PDE6B: variants seen among roughly 807,000 people sequenced by gnomAD.
PDE6B encodes rod cGMP-specific 3',5'-cyclic phosphodiesterase subunit beta.
In PDE6B, 106 loss-of-function variants were observed where a neutral mutation model predicts 109.0. That is an observed-to-expected ratio of 0.97 (90% confidence interval 0.83 to 1.14). The LOEUF (loss-of-function observed/expected upper bound fraction) is 1.14, where lower values mean the gene tolerates loss of function less well. Among genes scored for constraint, PDE6B ranks in the 50% most tolerant of loss-of-function variants. The pLI is 0.00. For missense variants in PDE6B, 1,193 were observed against 1,155.6 expected (o/e 1.03, Z -0.47); for synonymous variants, 490 against 471.3 (o/e 1.04, Z -0.51).
At position 648,562 on chromosome 4, in the gene PDE6B, A is replaced by G. The variant is rs924397945; in HGVS notation, c.712-5290A>G. On this transcript the variant is annotated intron_variant, in intron 3 of 21. Transcript: ENST00000496514. The surrounding 1 kb of genome is among the most constrained non-coding windows in gnomAD (Gnocchi z 4.5). ...CCGGGCCCTCACCTGGACAATCAGG[A>G]ACTACCTTCTGTCCCAGGCACCCTC... is the stretch of plus-strand genomic sequence containing the variant. 5.3e-5 allele frequency among the ~76,000 whole-genome samples: 8 copies of G among 152,118 alleles called. No homozygotes were observed. Among genetic ancestry groups the G allele is most frequent in the African/African-American group, 1.9e-4 (8 of 41,436 alleles).
chr4:664,269 CG>C, intron 17 of PDE6B, 48 bp downstream of exon 17: 1 of 1,025,484 alleles, frequency 9.8e-7, no homozygotes, highest in African/African-American at 1.6e-5. Context: ...TCGCAGGGAC[CG>C]GGCCCACTCA....
chr4:662,251 T>A lies in PDE6B; in HGVS notation c.1722+10T>A. 1 of 1,481,052 alleles carries A rather than the reference T, an allele frequency of 6.8e-7. No homozygotes were observed. Among genetic ancestry groups the A allele is most frequent in the Admixed American group, 1.9e-5 (1 of 51,636 alleles). The allele number at this position is 1,481,052 out of a possible 1,614,324, so 91.7% of individuals were successfully genotyped here. A position where few individuals can be genotyped will look rare whatever the true frequency, so the allele number is the denominator to read the frequency against. On this transcript the variant is annotated intron_variant, in intron 13 of 21. Coordinates refer to ENST00000496514, the MANE Select transcript of PDE6B (RefSeq NM_000283.4). The surrounding 1 kb of genome is among the most constrained non-coding windows in gnomAD (Gnocchi z 4.3). ...GTTCACGCTGCTCATGGTACGTGGC[T>A]GCCAGAATCACCAGGGTTGTGCAGG... is the stretch of plus-strand genomic sequence containing the variant.
In PDE6B at chr4:669,919, T is replaced by G. The variant is rs187038471; in HGVS notation, c.2504-127T>G. ...CTCAGCCCAGCTAATCGGCTTGGGC[T>G]GGTCACAGACCCAGGTGCTGTCCTT... On this transcript the variant is annotated intron_variant, in intron 21 of 21. Transcript: ENST00000496514. The G allele has an allele frequency of 1.6e-3, 1,306 of 795,608 alleles. 31 individuals carry two copies. In the Admixed American group the frequency reaches 0.021, roughly 13 times the overall value. The allele number at this position is 795,608 out of a possible 1,614,324, so 49.3% of individuals were successfully genotyped here.
intron 12 of PDE6B, chr4:661,744 C>G: frequency 3.1e-6 from 1 of 317,678 alleles, no homozygotes; most frequent in Non-Finnish European, 6.2e-6. Flanking sequence ...ATCGGTTCTC[C>G]CACCCCAGCC....
intron 1 of PDE6B, among the ~76,000 whole-genome samples, chr4:632,613 C>T (rs551932883): frequency 2.2e-5 from 3 of 135,178 alleles, no homozygotes; most frequent in East Asian, 2.3e-4. Context: ...TGTGTGGATC[C>T]GTGTGGCACC....
intron 2 of PDE6B, among the ~76,000 whole-genome samples, chr4:635,272 C>T (rs1363708714): frequency 1.5e-4 from 20 of 131,972 alleles, no homozygotes; most frequent in Admixed American, 4.7e-4. Context: ...TTCTGTGCTG[C>T]GCGTCTGCCT....
chr4:665,205 T>G lies in PDE6B; in HGVS notation c.2194-50T>G. 2 of 1,417,104 alleles carry G rather than the reference T, an allele frequency of 1.4e-6. No individual in the cohort carries two copies. The highest frequency in any genetic ancestry group is 2.0e-6 in the Non-Finnish European group (2 of 1,007,256). The allele number at this position is 1,417,104 out of a possible 1,614,324, so 87.8% of individuals were successfully genotyped here. A position where few individuals can be genotyped will look rare whatever the true frequency, so the allele number is the denominator to read the frequency against. On this transcript the variant is annotated intron_variant, in intron 18 of 21. Transcript: ENST00000496514. The surrounding 1 kb of genome is among the most constrained non-coding windows in gnomAD (Gnocchi z 4.0). ...AGCCTCACGGGGCGGGCCCGGGCCC[T>G]TCCGCGTGGGCTCAGAGCTCCACAG...
chr4:649,524 G>A (rs764300022), intron 3 of PDE6B, among the ~76,000 whole-genome samples: 3 of 152,130 alleles, frequency 2.0e-5, no homozygotes, highest in East Asian at 3.9e-4. Flanking sequence ...AAGTGAAGGA[G>A]CGCCATTCTT....
Position 626,769 on chromosome 4 carries a change from C to A in PDE6B, c.468+675C>A, listed in dbSNP as rs1417214069. On this transcript the variant is annotated intron_variant, in intron 1 of 21. Coordinates refer to ENST00000496514, the MANE Select transcript of PDE6B (RefSeq NM_000283.4). The surrounding 1 kb of genome is among the most constrained non-coding windows in gnomAD (Gnocchi z 4.6). Reference sequence around the variant, plus strand: ...AAGGGCAGGGCCTGTTCATGCAAAGCCTGGGCTAGGGCAGACGCTTCCCGA... The same window carrying A: ...AAGGGCAGGGCCTGTTCATGCAAAGACTGGGCTAGGGCAGACGCTTCCCGA... Among the ~76,000 whole-genome samples the A allele has an allele frequency of 6.6e-6, 1 of 152,186 alleles. No individual in the cohort carries two copies. Among genetic ancestry groups the A allele is most frequent in the Non-Finnish European group, 1.5e-5 (1 of 68,014 alleles).
intron 1 of PDE6B, among the ~76,000 whole-genome samples, chr4:629,264 C>T (rs1217451553): frequency 5.3e-5 from 8 of 152,174 alleles, no homozygotes; most frequent in Admixed American, 3.3e-4. Context: ...ACGCCGCCCA[C>T]ACCTGATGAG....
intron 6 of PDE6B, 127 bp downstream of exon 6, chr4:655,015 C>A (rs1469652083): frequency 5.4e-6 from 4 of 740,966 alleles, no homozygotes. Context: ...CTGGCCTGGC[C>A]CCACCTGTGG....
chr4:642,843 A>G (rs1331641197), intron 3 of PDE6B, among the ~76,000 whole-genome samples: 1 of 151,764 alleles, frequency 6.6e-6, no homozygotes, highest in African/African-American at 2.4e-5. Context: ...TTTTATTCAG[A>G]ATGAGTGTTG....
chr4:632,724 G>A (rs1170229517), intron 1 of PDE6B, among the ~76,000 whole-genome samples: 2 of 151,324 alleles, frequency 1.3e-5, no homozygotes, highest in African/African-American at 4.9e-5. Context: ...GGTCCGTGTG[G>A]CACCATCTCT....
Position 625,983 on chromosome 4 carries a change from G to T in PDE6B, c.357G>T (p.Leu119=). 1 of 1,584,114 alleles carries T rather than the reference G, an allele frequency of 6.3e-7. No individual in the cohort carries two copies. Residue 119 remains leucine, a synonymous_variant, in exon 1 of 22, where the codon CTG becomes CTT. Transcript: ENST00000496514. The surrounding 1 kb of genome is among the most constrained non-coding windows in gnomAD (Gnocchi z 5.0). ...TCAGCGTGCAGCCGGACAGCGTCCT[G>T]GAGGACTGCCTGGTGCCCCCCGACT... ...RLFSVQPDSV[L]EDCLVPPDSE... is the part of the protein sequence containing the mutation.
In PDE6B at chr4:665,805, C is replaced by T. The variant is rs1008057987; in HGVS notation, c.2268+476C>T. Among the ~76,000 whole-genome samples the T allele has an allele frequency of 5.9e-5, 9 of 152,122 alleles. No individual in the cohort carries two copies. The highest frequency in any genetic ancestry group is 4.6e-4 in the Admixed American group (7 of 15,276). On this transcript the variant is annotated intron_variant, in intron 19 of 21. Coordinates refer to ENST00000496514, the MANE Select transcript of PDE6B (RefSeq NM_000283.4). This position sits in a 1 kb window ranked among gnomAD's most constrained non-coding sequence, Gnocchi z 4.0. ...CAGCAAATGGGAGAGTCAGGATAGG[C>T]GCCAGGAACAGGAGAGGCAGGGCTG...
chr4:664,328 G>A, intron 17 of PDE6B, 107 bp downstream of exon 17: 1 of 744,544 alleles, frequency 1.3e-6, no homozygotes. Flanking sequence ...GGAGCAGGAA[G>A]AGCCCGTCGC....
chr4:628,988 G>A (rs967888312), intron 1 of PDE6B, among the ~76,000 whole-genome samples: 3 of 152,228 alleles, frequency 2.0e-5, no homozygotes, highest in Non-Finnish European at 4.4e-5. Flanking sequence ...CCCAGGCCTG[G>A]GCATGGATTG....
In PDE6B at chr4:626,058, G is replaced by T; in HGVS notation, c.432G>T (p.Gln144His). ...LDIGVVGHVA[Q>H]TKKMVNVEDV... ...TCGGGGTCGTGGGCCACGTGGCTCA[G>T]ACCAAAAAGATGGTGAACGTCGAGG... The change falls in exon 1 of 22, where the codon CAG becomes CAT. Residue 144 changes from glutamine to histidine, a missense_variant. By Grantham distance (24) the Gln-to-His change is conservative. Coordinates refer to ENST00000496514, the MANE Select transcript of PDE6B (RefSeq NM_000283.4). This position sits in a 1 kb window ranked among gnomAD's most constrained non-coding sequence, Gnocchi z 4.6. 1 of 1,596,444 alleles carries T rather than the reference G, an allele frequency of 6.3e-7. No homozygotes were observed. Among genetic ancestry groups the T allele is most frequent in the South Asian group, 1.1e-5 (1 of 88,314 alleles).
rs1160129652 is a variant in PDE6B at position 634,828 on chromosome 4, A to T, written c.620A>T (p.Asp207Val). The T allele has an allele frequency of 6.2e-7, 1 of 1,613,686 alleles. No individual in the cohort carries two copies. The highest frequency in any genetic ancestry group is 1.3e-5 in the African/African-American group (1 of 74,900). ...CCATTCTTCACCAGCGAAGACGAAGATGTGAGTGTGGGGGGCACCTGGGCA... is the reference window on the plus strand; with the variant it reads ...CCATTCTTCACCAGCGAAGACGAAGTTGTGAGTGTGGGGGGCACCTGGGCA... ...NGPFFTSEDE[D>V]VFLKYLNFAT... The change falls in exon 2 of 22, where the codon GAT becomes GTT. Residue 207 changes from aspartate (D) to valine (V), a missense_variant and splice_region_variant. By Grantham distance (152) the Asp-to-Val change is radical. Coordinates refer to ENST00000496514, the MANE Select transcript of PDE6B (RefSeq NM_000283.4).
Sources: gnomAD v4.1 joint callset for allele counts (sites outside exome capture counted in the v4.1 genomes callset) on GRCh38, gnomAD v4.1.1 for gene constraint, Gnocchi (gnomAD v3.1) non-coding constraint, MANE v1.5 for transcripts, NCBI Gene and HGNC (gene_info 2026-07-23, HGNC 2026-07-21) for gene names.